The following SAE1 variants were observed in gnomAD, a reference collection of about 807,000 sequenced individuals.
SAE1 encodes the protein SUMO1 activating enzyme subunit 1.
A neutral mutation model predicts 40.6 loss-of-function variants in SAE1; 11 were observed. The ratio of observed to expected loss-of-function variants is 0.27; its 90% CI spans 0.17 to 0.45. The LOEUF is 0.45. SAE1 is among the 20% of genes least tolerant of loss of function. SAE1 has a pLI of 1.00. For missense variants in SAE1, 373 were observed against 427.3 expected, an observed-to-expected ratio of 0.87 and a Z score of 1.12; for synonymous variants, 155 against 154.3, an observed-to-expected ratio of 1.00 and a Z score of -0.03.
At chr19:47,172,885 C>G (rs2123259503) in intron 6 of SAE1, among the ~76,000 whole-genome samples, 1 of 152,248 alleles carries the variant, frequency 6.6e-6, no homozygotes, top group South Asian at 2.1e-4. Flanking sequence ...CAAAGGCCCT[C>G]AGGCAAGTGC....
rs143321323 is a variant in SAE1, at chr19:47,182,496, T to TGTGTGTGTGCGC, written c.733+12574_733+12575insTGTGTGTGCGCG. On this transcript the variant is annotated intron_variant, in intron 6 of 8. Coordinates refer to ENST00000270225, the MANE Select transcript of SAE1 (RefSeq NM_005500.3). ...GTGTGTGTGTGTGTGTGTGTGTGTG[T>TGTGTGTGTGCGC]GCGCGCACGCACGCGCGCGCGCACA... 3.2e-3 allele frequency among the ~76,000 whole-genome samples: 463 copies of TGTGTGTGTGCGC among 146,012 alleles called. 2 individuals are homozygous for TGTGTGTGTGCGC. The highest frequency in any genetic ancestry group is 0.01 in the African/African-American group (393 of 38,688).
At position 47,209,297 on chromosome 19, in the gene SAE1, C is replaced by T; in HGVS notation, c.*46C>T. The stretch of plus-strand genomic sequence containing the variant: ...AGAGATGCCAACTGCAGCATGCCCA[C>T]CTGTATTCCCTGTCCCCTTCCTTCA... On this transcript the variant is annotated 3_prime_UTR_variant, in exon 9 of 9. Transcript: ENST00000270225. 6.2e-7 allele frequency: 1 copy of T among 1,613,994 alleles called. No individual in the cohort carries two copies.
chr19:47,178,865 T>C (rs1436806930), intron 6 of SAE1, among the ~76,000 whole-genome samples: 1 of 152,138 alleles, frequency 6.6e-6, no homozygotes, highest in Non-Finnish European at 1.5e-5. Flanking sequence ...CAAGTAGCTG[T>C]TCAATATAGT....
chr19:47,196,348 T>G (rs2058615514), intron 6 of SAE1, among the ~76,000 whole-genome samples: 5 of 124,516 alleles, frequency 4.0e-5, no homozygotes, highest in Middle Eastern at 4.2e-3. Flanking sequence ...TTTTTTTTTT[T>G]TTTTTTTTTT....
At chr19:47,155,449 T>C (rs969364489) in intron 5 of SAE1, among the ~76,000 whole-genome samples, 8 of 152,048 alleles carry the variant, frequency 5.3e-5, no homozygotes, top group African/African-American at 1.9e-4. Flanking sequence ...TTTTGTAGGC[T>C]CTGTCCCAAA....
In SAE1 at chr19:47,152,954, C is replaced by CA. The variant is rs2058296544; in HGVS notation, c.446dup (p.Asn149LysfsTer2). 1 of 1,612,322 alleles carries CA rather than the reference C, an allele frequency of 6.2e-7. No individual in the cohort carries two copies. Among genetic ancestry groups the CA allele is most frequent in the South Asian group, 1.1e-5 (1 of 90,988 alleles). On this transcript the variant is annotated frameshift_variant, in exon 4 of 9. Transcript: ENST00000270225. LOFTEE classifies it high-confidence loss of function. ...TAGTTAAAGTTGACCAGATCTGTCA[C>CA]AAAAATAGCATCAAGTTCTTTACAG...
At chr19:47,153,340 G>T (rs996507523) in intron 4 of SAE1, among the ~76,000 whole-genome samples, 3 of 152,124 alleles carry the variant, frequency 2.0e-5, no homozygotes, top group Non-Finnish European at 4.4e-5. Context: ...TGGAAAAGGT[G>T]TCCAATATCC....
chr19:47,197,133 A>G (rs2058620973), intron 6 of SAE1, 100 bp from the exon 7 acceptor site: 1 of 1,241,430 alleles, frequency 8.1e-7, no homozygotes, highest in Non-Finnish European at 1.1e-6. Flanking sequence ...GTGAGCCAAG[A>G]TTGTGCCATT....
At chr19:47,131,207 G>A (rs2058139851) in intron 1 of SAE1, 179 bp downstream of exon 1, 2 of 1,372,714 alleles carry the variant, frequency 1.5e-6, no homozygotes, top group Non-Finnish European at 1.9e-6. Context: ...TTTCTGGAAG[G>A]TCTGGGAAGT....
rs921844751 is a variant in SAE1, at chr19:47,130,891, C to T, written c.-40C>T. ...GCGCGCGGGTCCGGCGGGCGGTTGGCTTGAGCGGGACCGGAGCTGAGGCAG... is the reference window on the plus strand; with the variant it reads ...GCGCGCGGGTCCGGCGGGCGGTTGGTTTGAGCGGGACCGGAGCTGAGGCAG... On this transcript the variant is annotated 5_prime_UTR_variant, in exon 1 of 9. Transcript: ENST00000270225. 1.3e-6 allele frequency: 2 copies of T among 1,547,202 alleles called. No homozygotes were observed. Among genetic ancestry groups the T allele is most frequent in the Non-Finnish European group, 1.7e-6 (2 of 1,145,992 alleles).
intron 6 of SAE1, among the ~76,000 whole-genome samples, chr19:47,191,044 C>T (rs1244117159): frequency 6.6e-6 from 1 of 152,218 alleles, no homozygotes. Context: ...GTTTACATTT[C>T]TGCTCCAGTA....
intron 1 of SAE1, among the ~76,000 whole-genome samples, chr19:47,140,142 T>C (rs1568585287): frequency 6.6e-6 from 1 of 151,012 alleles, no homozygotes; most frequent in Non-Finnish European, 1.5e-5. Context: ...ACCCTTGTTC[T>C]GTTGCCCAGG....
At chr19:47,134,060 A>G (rs1232377378) in intron 1 of SAE1, among the ~76,000 whole-genome samples, 1 of 151,852 alleles carries the variant, frequency 6.6e-6, no homozygotes, top group Non-Finnish European at 1.5e-5. Context: ...ACGGAGTTTC[A>G]CCGTGTTGGT....
At chr19:47,136,116 G>C (rs1294857907) in intron 1 of SAE1, among the ~76,000 whole-genome samples, 1 of 152,086 alleles carries the variant, frequency 6.6e-6, no homozygotes, top group East Asian at 1.9e-4. Context: ...TGTGAAGAGT[G>C]CTGCAATAAA....
At chr19:47,135,543 C>T (rs909923939) in intron 1 of SAE1, 7 of 152,058 alleles carry the variant, frequency 4.6e-5, no homozygotes, top group Non-Finnish European at 7.4e-5. Flanking sequence ...GTCTCTCTGT[C>T]GCGCAGACTA....
chr19:47,144,762 A>G (rs1485058223), intron 2 of SAE1, among the ~76,000 whole-genome samples: 1 of 152,164 alleles, frequency 6.6e-6, no homozygotes, highest in African/African-American at 2.4e-5. Flanking sequence ...ATGTGGGCAG[A>G]CTGCTTTGTA....
chr19:47,138,475 TAGTA>T (rs1296544049), intron 1 of SAE1, among the ~76,000 whole-genome samples: 1 of 152,188 alleles, frequency 6.6e-6, no homozygotes, highest in Admixed American at 6.6e-5. Context: ...GCTTGGCACA[TAGTA>T]AGTGTTAGAT....
In SAE1 at chr19:47,181,471, T is replaced by A. The variant is rs2058505659; in HGVS notation, c.733+11548T>A. 2.1e-5 allele frequency among the ~76,000 whole-genome samples: 3 copies of A among 142,944 alleles called. No homozygotes were observed. The South Asian group carries it at 6.5e-4, about 31-fold the overall frequency. 93.8% of individuals were successfully genotyped at this position (142,944 alleles called of 152,430 possible). On this transcript the variant is annotated intron_variant, in intron 6 of 8. Transcript: ENST00000270225. ...TTTGTTTTGTTTTTCTTGTTTTTTC[T>A]TTTCCTTTTTTTTTTTTTTTTTTTT... is the stretch of plus-strand genomic sequence containing the variant.
intron 6 of SAE1, among the ~76,000 whole-genome samples, chr19:47,191,353 A>G (rs1014040251): frequency 2.6e-5 from 4 of 152,200 alleles, no homozygotes; most frequent in Non-Finnish European, 5.9e-5. Flanking sequence ...ACAAGTAAAT[A>G]AATGAATAAA....
Sources: allele counts gnomAD v4.1 joint callset (sites outside exome capture counted in the v4.1 genomes callset), GRCh38; gene constraint gnomAD v4.1.1; transcripts MANE v1.5; gene names NCBI Gene and HGNC (gene_info 2026-07-23, HGNC 2026-07-21).